Variants in DDAH1 observed in about 807,000 individuals in gnomAD.
DDAH1 encodes the protein N(G),N(G)-dimethylarginine dimethylaminohydrolase 1.
A neutral mutation model predicts 28.8 loss-of-function variants in DDAH1; 19 were observed. That is an observed-to-expected ratio of 0.66 (90% CI 0.46 to 0.97). The LOEUF is 0.97. Ranked by LOEUF, DDAH1 falls within the 50% of genes least tolerant of loss-of-function variation. The pLI, the probability that DDAH1 is intolerant of heterozygous loss-of-function variation, is 0.00. For synonymous variants in DDAH1, 153 were observed against 154.4 expected (o/e 0.99, Z 0.07); for missense variants, 326 against 375.9 (o/e 0.87, Z 1.10).
intron 1 of DDAH1, among the ~76,000 whole-genome samples, chr1:85,365,284 A>T (rs1650016387): frequency 6.6e-6 from 1 of 152,200 alleles, no homozygotes; most frequent in African/African-American, 2.4e-5. Context: ...GGTATCTACA[A>T]TGAAATCGAG....
chr1:85,498,087 T>G (rs985987504), intron 1 of DDAH1, among the ~76,000 whole-genome samples: 1 of 152,176 alleles, frequency 6.6e-6, no homozygotes, highest in East Asian at 1.9e-4. Context: ...TAAAATACAG[T>G]CTTAAAGTGG....
At chr1:85,532,173 G>C (rs1658114064) in intron 1 of DDAH1, among the ~76,000 whole-genome samples, 1 of 151,890 alleles carries the variant, frequency 6.6e-6, no homozygotes, top group African/African-American at 2.4e-5. Flanking sequence ...TTTTCTGCCT[G>C]TCTCCTGGTT....
intron 1 of DDAH1, among the ~76,000 whole-genome samples, chr1:85,428,245 T>C (rs1653502622): frequency 6.6e-6 from 1 of 152,178 alleles, no homozygotes; most frequent in South Asian, 2.1e-4. Flanking sequence ...AATAAAGACA[T>C]ACTTGAGACT....
intron 1 of DDAH1, among the ~76,000 whole-genome samples, chr1:85,400,189 T>TTC (rs1652012620): frequency 1.0e-5 from 1 of 100,256 alleles, no homozygotes; most frequent in Non-Finnish European, 2.1e-5. Context: ...TTTTTTTTTT[T>TTC]TTTTTTTTTT....
At chr1:85,528,138 C>T (rs533848824) in intron 1 of DDAH1, among the ~76,000 whole-genome samples, 1 of 151,402 alleles carries the variant, frequency 6.6e-6, no homozygotes, top group African/African-American at 2.4e-5. Flanking sequence ...AGTACACTCA[C>T]ATGTATATGT....
intron 1 of DDAH1, among the ~76,000 whole-genome samples, chr1:85,381,012 G>A (rs2100907677): frequency 6.6e-6 from 1 of 151,208 alleles, no homozygotes; most frequent in African/African-American, 2.4e-5. Flanking sequence ...CAAGACAGGT[G>A]GATTACCTGA....
intron 1 of DDAH1, among the ~76,000 whole-genome samples, chr1:85,427,717 CA>C (rs770883596): frequency 7.5e-4 from 114 of 152,204 alleles, no homozygotes; most frequent in Non-Finnish European, 1.3e-3. Context: ...AAGGATGTAA[CA>C]AAGAAAGAGA....
At chr1:85,367,237 G>A (rs144625681) in intron 1 of DDAH1, among the ~76,000 whole-genome samples, 11 of 152,276 alleles carry the variant, frequency 7.2e-5, no homozygotes, top group Admixed American at 3.9e-4. Context: ...GCTCCAGGCC[G>A]ATGCTCTGAG....
At chr1:85,349,881 G>C (rs1649099599) in intron 4 of DDAH1, among the ~76,000 whole-genome samples, 1 of 152,092 alleles carries the variant, frequency 6.6e-6, no homozygotes, top group East Asian at 1.9e-4. Flanking sequence ...TTTTCTTCTG[G>C]CAAGTCTACT....
chr1:85,352,545 GT>G (rs1265893543), intron 2 of DDAH1, among the ~76,000 whole-genome samples: 1 of 152,142 alleles, frequency 6.6e-6, no homozygotes, highest in African/African-American at 2.4e-5. Context: ...GCTCCTTACA[GT>G]TTTATCTTTG....
At chr1:85,343,842 AT>A (rs1328972605) in intron 4 of DDAH1, among the ~76,000 whole-genome samples, 2 of 152,202 alleles carry the variant, frequency 1.3e-5, no homozygotes, top group Non-Finnish European at 2.9e-5. Flanking sequence ...TAACATGGAC[AT>A]TTTTGGACAT....
chr1:85,330,032 C>G (rs1311146532), intron 4 of DDAH1, among the ~76,000 whole-genome samples: 1 of 152,170 alleles, frequency 6.6e-6, no homozygotes, highest in Non-Finnish European at 1.5e-5. Flanking sequence ...TAATTATTTT[C>G]CTTTCTCTTG....
intron 1 of DDAH1, among the ~76,000 whole-genome samples, chr1:85,542,300 C>T (rs952008675): frequency 6.6e-6 from 1 of 152,140 alleles, no homozygotes; most frequent in African/African-American, 2.4e-5. Flanking sequence ...TGAAAAGACA[C>T]CAAGAGTGAA....
intron 1 of DDAH1, among the ~76,000 whole-genome samples, chr1:85,456,163 C>A (rs1256509821): frequency 6.6e-6 from 1 of 152,082 alleles, no homozygotes; most frequent in Non-Finnish European, 1.5e-5. Flanking sequence ...GTGTCTCCTG[C>A]CCCCAGGACA....
intron 4 of DDAH1, among the ~76,000 whole-genome samples, chr1:85,350,050 T>G (rs868620305): frequency 6.6e-5 from 10 of 152,308 alleles, no homozygotes; most frequent in Middle Eastern, 6.8e-3. Flanking sequence ...TAACAAACCC[T>G]GTGTACCAAC....
intron 2 of DDAH1, among the ~76,000 whole-genome samples, chr1:85,483,602 C>T (rs1293569687): frequency 1.3e-5 from 2 of 152,190 alleles, no homozygotes; most frequent in African/African-American, 4.8e-5. Context: ...GGCAGCAACC[C>T]ATAATCAAAT....
chr1:85,438,997 G>A (rs955201712), intron 1 of DDAH1, among the ~76,000 whole-genome samples: 9 of 152,346 alleles, frequency 5.9e-5, no homozygotes, highest in African/African-American at 1.9e-4. Flanking sequence ...TGTGATCTTA[G>A]TCACGGTATT....
At chr1:85,490,617 C>T (rs1656361035) in intron 2 of DDAH1, among the ~76,000 whole-genome samples, 1 of 152,204 alleles carries the variant, frequency 6.6e-6, no homozygotes, top group African/African-American at 2.4e-5. Flanking sequence ...TAAAATAATG[C>T]TTTCCAACAG....
chr1:85,516,008 A>G (rs558652363), intron 1 of DDAH1, among the ~76,000 whole-genome samples: 29 of 152,064 alleles, frequency 1.9e-4, no homozygotes, highest in Non-Finnish European at 1.5e-5. Flanking sequence ...GTGTCCTCAT[A>G]TGGTCACCCT....
Sources: allele counts gnomAD v4.1 joint callset (sites outside exome capture counted in the v4.1 genomes callset), GRCh38; gene constraint gnomAD v4.1.1; transcripts MANE v1.5; gene names NCBI Gene and HGNC (gene_info 2026-07-23, HGNC 2026-07-21).